VSTM4: variants seen among roughly 807,000 people sequenced by gnomAD.
VSTM4 encodes V-set and transmembrane domain containing 4, also known as V-set and transmembrane domain-containing protein 4.
In VSTM4, 20 loss-of-function variants were observed where a neutral mutation model predicts 36.4. The observed-to-expected ratio is 0.55, with a 90% CI of 0.39 to 0.80. The LOEUF is 0.80. VSTM4 is among the 30% of genes least tolerant of loss of function. The pLI is 0.00. For missense variants in VSTM4, 392 were observed against 404.5 expected, an observed-to-expected ratio of 0.97 and a Z score of 0.26; for synonymous variants, 182 against 173.9, an observed-to-expected ratio of 1.05 and a Z score of -0.37.
chr10:49,098,895 T>G (rs1268730430), intron 2 of VSTM4, among the ~76,000 whole-genome samples: 1 of 152,240 alleles, frequency 6.6e-6, no homozygotes, highest in African/African-American at 2.4e-5. Flanking sequence ...TTTGATAACA[T>G]GCACACTGAG....
chr10:49,023,542 A>G (rs1441154663), intron 7 of VSTM4, among the ~76,000 whole-genome samples: 1 of 152,246 alleles, frequency 6.6e-6, no homozygotes, highest in Non-Finnish European at 1.5e-5. Flanking sequence ...AGCTGAAAGC[A>G]GTGGTTAAAG....
chr10:49,031,713 G>T (rs1843348743), intron 7 of VSTM4, among the ~76,000 whole-genome samples: 1 of 152,160 alleles, frequency 6.6e-6, no homozygotes, highest in African/African-American at 2.4e-5. Flanking sequence ...TTCTCCAGTG[G>T]TTTCTCATCA....
chr10:49,104,764 G>C (rs1278792651), intron 2 of VSTM4, among the ~76,000 whole-genome samples: 1 of 151,756 alleles, frequency 6.6e-6, no homozygotes, highest in Non-Finnish European at 1.5e-5. Flanking sequence ...GAGAGACACA[G>C]AGAGATAGAG....
chr10:49,022,448 G>C (rs930111002), intron 7 of VSTM4, among the ~76,000 whole-genome samples: 1 of 152,044 alleles, frequency 6.6e-6, no homozygotes, highest in Non-Finnish European at 1.5e-5. Flanking sequence ...AAAAGGCACG[G>C]GAAGTAATAG....
intron 1 of VSTM4, among the ~76,000 whole-genome samples, chr10:49,110,360 T>A (rs997003139): frequency 6.6e-6 from 1 of 152,184 alleles, no homozygotes; most frequent in African/African-American, 2.4e-5. Context: ...CTTCTGTGGC[T>A]CAGGACAGGG....
intron 7 of VSTM4, among the ~76,000 whole-genome samples, chr10:49,026,426 T>C (rs1843262998): frequency 6.6e-6 from 1 of 152,256 alleles, no homozygotes; most frequent in Non-Finnish European, 1.5e-5. Context: ...AGGTGCCATA[T>C]AGATGGGCAG....
chr10:49,092,420 C>T (rs1269145672), intron 2 of VSTM4, among the ~76,000 whole-genome samples: 2 of 152,288 alleles, frequency 1.3e-5, no homozygotes, highest in East Asian at 3.9e-4. Flanking sequence ...GTGTCCTGTC[C>T]AATCCAGGAG....
chr10:49,028,847 T>G (rs2254617), intron 7 of VSTM4, among the ~76,000 whole-genome samples: 102,516 of 152,124 alleles, frequency 0.67, 36,464 homozygotes, highest in Non-Finnish European at 0.8. Context: ...AACTGGGACA[T>G]GGAATGTTTA....
rs1409647568 is a variant in VSTM4, at chr10:49,019,719, G to A, written c.894C>T (p.His298=). 1.5e-5 allele frequency: 24 copies of A among 1,613,946 alleles called. No individual in the cohort carries two copies. Among genetic ancestry groups the A allele is most frequent in the Non-Finnish European group, 1.9e-5 (22 of 1,180,008 alleles). ...TYAELELIKP[H]RAAKGAPTST... Reference sequence around the variant, plus strand: ...TGGTGGGGGCGCCTTTGGCAGCCCGGTGGGGTTTGATCAGCTCCAGTTCGG... The same window carrying A: ...TGGTGGGGGCGCCTTTGGCAGCCCGATGGGGTTTGATCAGCTCCAGTTCGG... The change falls in exon 8 of 8, where the codon CAC becomes CAT. Residue 298 remains histidine (H), a synonymous_variant. Coordinates refer to ENST00000332853, the MANE Select transcript of VSTM4 (RefSeq NM_001031746.5).
At chr10:49,026,136 G>T (rs527575494) in intron 7 of VSTM4, among the ~76,000 whole-genome samples, 16 of 152,138 alleles carry the variant, frequency 1.1e-4, no homozygotes, top group Non-Finnish European at 1.9e-4. Flanking sequence ...AAACAAACTA[G>T]ATCTTAAGAC....
intron 7 of VSTM4, among the ~76,000 whole-genome samples, chr10:49,029,497 C>T (rs1340806042): frequency 2.6e-5 from 4 of 152,196 alleles, no homozygotes; most frequent in Non-Finnish European, 4.4e-5. Context: ...ATTATGGAGT[C>T]TGGATTACAG....
Position 49,106,889 on chromosome 10 carries a change from G to A in VSTM4, c.457+705C>T, listed in dbSNP as rs561825890. 1.2e-4 allele frequency among the ~76,000 whole-genome samples: 19 copies of A among 152,284 alleles called. No homozygotes were observed. In the South Asian group the frequency reaches 2.1e-3, roughly 17 times the overall value. ...CTCAAGGCCACATGCCTATGCCTAC[G>A]ATGACCTCCTGAAAGTGCCTGCCTG... On this transcript the variant is annotated intron_variant, in intron 2 of 7. Transcript: ENST00000332853.
intron 2 of VSTM4, among the ~76,000 whole-genome samples, chr10:49,091,259 C>T (rs550708056): frequency 3.3e-5 from 5 of 152,282 alleles, no homozygotes; most frequent in East Asian, 1.9e-4. Context: ...TGAGAGTTTC[C>T]GGGGAGGCAG....
chr10:49,062,418 T>C (rs12244748), intron 5 of VSTM4, among the ~76,000 whole-genome samples: 56,785 of 152,028 alleles, frequency 0.37, 11,829 homozygotes, highest in African/African-American at 0.56. Context: ...CCCTTTCATG[T>C]CTGGAGGACA....
At chr10:49,097,927 G>GT (rs1273831223) in intron 2 of VSTM4, among the ~76,000 whole-genome samples, 2 of 152,074 alleles carry the variant, frequency 1.3e-5, no homozygotes, top group Admixed American at 6.5e-5. Context: ...TCTTGTTTTT[G>GT]TTTTTTTCTC....
In VSTM4 at chr10:49,064,836, G is replaced by A. The variant is rs1462307968; in HGVS notation, c.635-100C>T. The A allele has an allele frequency of 3.8e-5, 50 of 1,313,952 alleles. No homozygotes were observed. The South Asian group carries it at 4.6e-4, about 12-fold the overall frequency. The allele number at this position is 1,313,952 out of a possible 1,614,324, so 81.4% of individuals were successfully genotyped here. ...AATGCCGGGAGCCAGGTGTTGTTCA[G>A]GTATTGGTGCTATACCACCCAACTC... On this transcript the variant is annotated intron_variant, in intron 4 of 7. Coordinates refer to ENST00000332853, the MANE Select transcript of VSTM4 (RefSeq NM_001031746.5).
intron 2 of VSTM4, among the ~76,000 whole-genome samples, chr10:49,097,045 G>C (rs1177711744): frequency 6.6e-6 from 1 of 152,074 alleles, no homozygotes; most frequent in Non-Finnish European, 1.5e-5. Context: ...CATCACTCCT[G>C]TGAACACCAG....
chr10:49,098,882 G>C (rs1047495097), intron 2 of VSTM4, among the ~76,000 whole-genome samples: 1 of 152,238 alleles, frequency 6.6e-6, no homozygotes, highest in Non-Finnish European at 1.5e-5. Flanking sequence ...CACGCAGTAG[G>C]TGTTTGATAA....
In VSTM4 at chr10:49,096,622, C is replaced by CGTGTGTGTGTGTGTGT. The variant is rs57143308; in HGVS notation, c.458-10615_458-10600dup. On this transcript the variant is annotated intron_variant, in intron 2 of 7. Transcript: ENST00000332853. ...ATTGGGTTGAAAAGCCATTGAAGAC[C>CGTGTGTGTGTGTGTGT]GTGTGTGTGTGTGTGTGTGTGTGTG... is the stretch of plus-strand genomic sequence containing the variant. 6.2e-3 allele frequency among the ~76,000 whole-genome samples: 758 copies of CGTGTGTGTGTGTGTGT among 122,560 alleles called. 25 individuals are homozygous for CGTGTGTGTGTGTGTGT. Among genetic ancestry groups the CGTGTGTGTGTGTGTGT allele is most frequent in the African/African-American group, 0.023 (676 of 28,932 alleles). 80.4% of individuals were successfully genotyped at this position (122,560 alleles called of 152,430 possible).
Sources: allele counts gnomAD v4.1 joint callset (sites outside exome capture counted in the v4.1 genomes callset), GRCh38; gene constraint gnomAD v4.1.1; transcripts MANE v1.5; gene names NCBI Gene and HGNC (gene_info 2026-07-23, HGNC 2026-07-21).